Variants in PCDHA2 observed in about 807,000 individuals in gnomAD.
PCDHA2 encodes protocadherin alpha-2.
A neutral mutation model predicts 66.0 loss-of-function variants in PCDHA2; 58 were observed. That is an observed-to-expected ratio of 0.88 (90% CI 0.71 to 1.09). The LOEUF (loss-of-function observed/expected upper bound fraction) is 1.09, where lower values mean the gene tolerates loss of function less well. Among genes scored for constraint, PCDHA2 ranks in the 50% least tolerant of loss-of-function variants. The probability of loss-of-function intolerance (pLI) is 0.00; values close to 1 mark genes in which losing one functional copy is unlikely to be tolerated. For synonymous variants in PCDHA2, 634 were observed against 554.0 expected (o/e 1.14, Z -2.03); for missense variants, 1,267 against 1,242.3 (o/e 1.02, Z -0.30).
chr5:140,858,025 G>A, intron 1 of PCDHA2: 1 of 1,596,948 alleles, frequency 6.3e-7, no homozygotes, highest in Non-Finnish European at 8.6e-7. Context: ...CGTCGCTGAC[G>A]GCCACGGCCA....
At chr5:140,997,141 C>T (rs941650589) in intron 3 of PCDHA2, among the ~76,000 whole-genome samples, 6 of 152,088 alleles carry the variant, frequency 3.9e-5, no homozygotes, top group Admixed American at 2.6e-4. Flanking sequence ...CCCACACCCC[C>T]GCCACAGTGA....
chr5:140,923,280 A>C (rs2081292990), intron 1 of PCDHA2, among the ~76,000 whole-genome samples: 1 of 152,220 alleles, frequency 6.6e-6, no homozygotes, highest in South Asian at 2.1e-4. Context: ...CTCTACAAAA[A>C]ATTAAAAATT....
chr5:140,809,230 G>A (rs1581701198), intron 1 of PCDHA2: 1 of 1,614,104 alleles, frequency 6.2e-7, no homozygotes, highest in East Asian at 2.2e-5. Flanking sequence ...CCTCCTCACG[G>A]GCGTTGGTGG....
intron 1 of PCDHA2, among the ~76,000 whole-genome samples, chr5:140,976,053 A>G (rs1174656934): frequency 2.6e-5 from 4 of 152,222 alleles, no homozygotes; most frequent in Non-Finnish European, 5.9e-5. Flanking sequence ...AAATTGTGAT[A>G]GTAATATATG....
In PCDHA2 at chr5:140,797,046, G is replaced by C; in HGVS notation, c.2082G>C (p.Val694=). ...CCGCGGGCTCAGAGGCTACGCTGGT[G>C]GATGTCAACGTGTACCTGATCATCG... ...VGAAGSEATL[V]DVNVYLIIAI... Residue 694 remains valine (V), a synonymous_variant, in exon 1 of 4, where the codon GTG becomes GTC. Transcript: ENST00000526136. 6.2e-7 allele frequency: 1 copy of C among 1,613,762 alleles called. No individual in the cohort carries two copies. The highest frequency in any genetic ancestry group is 8.5e-7 in the Non-Finnish European group (1 of 1,179,966).
intron 1 of PCDHA2, chr5:140,853,180 A>G (rs2150529700): frequency 2.0e-6 from 2 of 976,402 alleles, no homozygotes. Flanking sequence ...CGCCTGGCCT[A>G]AAATGTGTTC....
intron 1 of PCDHA2, chr5:140,871,553 G>GT (rs555355563): frequency 9.2e-4 from 1,372 of 1,491,042 alleles, no homozygotes; most frequent in South Asian, 9.1e-4. Flanking sequence ...TTAAAATCCA[G>GT]TTTTTTTTCA....
chr5:140,959,293 C>G (rs1554223990), intron 1 of PCDHA2, among the ~76,000 whole-genome samples: 1 of 152,088 alleles, frequency 6.6e-6, no homozygotes, highest in African/African-American at 2.4e-5. Context: ...GGGAGCATCA[C>G]TGAGCCCGGT....
Position 140,864,265 on chromosome 5 carries a change from TC to T in PCDHA2, c.2388+66915del, listed in dbSNP as rs534238956. On this transcript the variant is annotated intron_variant, in intron 1 of 3. Coordinates refer to ENST00000526136, the MANE Select transcript of PCDHA2 (RefSeq NM_018905.3). ...ATTCATTTTCTTATTCTGATTTGTG[TC>T]CTCCATTCCTTATTGTTTTTATGTA... 9 of 152,340 alleles carry T rather than the reference TC, an allele frequency of 5.9e-5. No individual in the cohort carries two copies. In the East Asian group the frequency reaches 1.3e-3, roughly 23 times the overall value. The allele number at this position is 152,340 out of a possible 1,614,324, so 9.4% of individuals were successfully genotyped here.
At chr5:140,987,956 C>T (rs1270495363) in intron 3 of PCDHA2, among the ~76,000 whole-genome samples, 2 of 152,144 alleles carry the variant, frequency 1.3e-5, no homozygotes, top group African/African-American at 4.8e-5. Flanking sequence ...ACAAAACCAA[C>T]TCCCCATGGA....
At chr5:140,838,592 G>A (rs2150290515) in intron 1 of PCDHA2, among the ~76,000 whole-genome samples, 4 of 151,904 alleles carry the variant, frequency 2.6e-5, no homozygotes, top group South Asian at 2.1e-4. Flanking sequence ...AACAATAACC[G>A]AATTGTCTAG....
intron 1 of PCDHA2, among the ~76,000 whole-genome samples, chr5:140,943,548 G>A (rs1280986902): frequency 6.6e-6 from 1 of 152,152 alleles, no homozygotes; most frequent in African/African-American, 2.4e-5. Context: ...GTAAATAGAC[G>A]TAGACAATAA....
chr5:140,999,877 G>A (rs1194481133), intron 3 of PCDHA2, among the ~76,000 whole-genome samples: 1 of 152,152 alleles, frequency 6.6e-6, no homozygotes, highest in Admixed American at 6.5e-5. Flanking sequence ...CTGAAAATTA[G>A]CCCAGCTGTA....
At chr5:140,896,608 C>A (rs1356168334) in intron 1 of PCDHA2, among the ~76,000 whole-genome samples, 2 of 151,832 alleles carry the variant, frequency 1.3e-5, no homozygotes, top group Non-Finnish European at 2.9e-5. Context: ...AACTCCTGGT[C>A]TTAAGTGATC....
At chr5:140,842,679 C>A in intron 1 of PCDHA2, 1 of 1,595,330 alleles carries the variant, frequency 6.3e-7, no homozygotes, top group Non-Finnish European at 8.6e-7. Context: ...GACAATGCTC[C>A]GGCGTTCGCG....
chr5:140,925,964 CA>C lies in PCDHA2; in HGVS notation c.2389-52976del, dbSNP rs782520997. Among the ~76,000 whole-genome samples the C allele has an allele frequency of 8.1e-3, 1,224 of 150,190 alleles. 5 individuals carry two copies. The highest frequency in any genetic ancestry group is 0.019 in the African/African-American group (788 of 40,962). ...TGGAGAAGGAGAAACTGCTATCACG[CA>C]AAAAAAAAGCCTTGAGCTCGCTGGC... On this transcript the variant is annotated intron_variant, in intron 1 of 3. Transcript: ENST00000526136.
rs932665937 is a variant in PCDHA2, at chr5:140,794,926, C to T, written c.-39C>T. On this transcript the variant is annotated 5_prime_UTR_variant, in exon 1 of 4. Coordinates refer to ENST00000526136, the MANE Select transcript of PCDHA2 (RefSeq NM_018905.3). ...CTAGAATATTTAAATTTTTGCAAAA[C>T]ATGCTCTTCTAATTTGATCAAAACA... is the stretch of plus-strand genomic sequence containing the variant. 4 of 1,556,648 alleles carry T rather than the reference C, an allele frequency of 2.6e-6. No individual in the cohort carries two copies. Among genetic ancestry groups the T allele is most frequent in the Admixed American group, 4.1e-5 (2 of 48,604 alleles).
rs376867914 is a variant in PCDHA2 at position 140,880,239 on chromosome 5, TGC to T, written c.2388+82889_2388+82890del. Among the ~76,000 whole-genome samples the T allele has an allele frequency of 5.6e-3, 860 of 152,302 alleles. 5 individuals carry two copies. The highest frequency in any genetic ancestry group is 0.014 in the Middle Eastern group (4 of 294). On this transcript the variant is annotated intron_variant, in intron 1 of 3. Transcript: ENST00000526136. ...AGTAGAACATTTAAATTAGTGTATG[TGC>T]GTGTGTGTATGTATACATATTTTAG...
intron 1 of PCDHA2, chr5:140,821,682 T>C: frequency 7.4e-7 from 1 of 1,350,590 alleles, no homozygotes; most frequent in Non-Finnish European, 1.0e-6. Flanking sequence ...AGAAAGGCGA[T>C]AATATAAAAA....
Sources: gnomAD v4.1 joint callset for allele counts (sites outside exome capture counted in the v4.1 genomes callset) on GRCh38, gnomAD v4.1.1 for gene constraint, MANE v1.5 for transcripts, NCBI Gene and HGNC (gene_info 2026-07-23, HGNC 2026-07-21) for gene names.